Variants in SYNCRIP observed in about 807,000 individuals in gnomAD.
SYNCRIP encodes the protein heterogeneous nuclear ribonucleoprotein Q.
SYNCRIP carries 9 observed loss-of-function variants against 68.9 expected under a neutral mutation model. The ratio of observed to expected loss-of-function variants is 0.13; its 90% CI spans 0.08 to 0.23. The LOEUF (loss-of-function observed/expected upper bound fraction) is 0.23, where lower values mean the gene tolerates loss of function less well. Among genes scored for constraint, SYNCRIP ranks in the 10% least tolerant of loss-of-function variants. The pLI, the probability that SYNCRIP is intolerant of heterozygous loss-of-function variation, is 1.00. For synonymous variants in SYNCRIP, 258 were observed against 254.0 expected, an observed-to-expected ratio of 1.02 and a Z score of -0.15; for missense variants, 414 against 770.6, an observed-to-expected ratio of 0.54 and a Z score of 5.48.
intron 6 of SYNCRIP, among the ~76,000 whole-genome samples, chr6:85,635,036 G>A (rs1027644406): frequency 2.0e-5 from 3 of 152,070 alleles, no homozygotes; most frequent in African/African-American, 4.8e-5. Context: ...GTGGTGGTAC[G>A]CGCCTATTAT....
intron 1 of SYNCRIP, among the ~76,000 whole-genome samples, chr6:85,641,848 C>T (rs924564461): frequency 6.6e-6 from 1 of 152,190 alleles, no homozygotes; most frequent in Non-Finnish European, 1.5e-5. Context: ...CTTTTCCCGC[C>T]TGCCGCTTAT....
At chr6:85,639,228 A>G (rs1243538920) in intron 4 of SYNCRIP, among the ~76,000 whole-genome samples, 1 of 152,140 alleles carries the variant, frequency 6.6e-6, no homozygotes, top group Non-Finnish European at 1.5e-5. Context: ...ACAAACAAAC[A>G]AACAAAAAAT....
chr6:85,625,456 C>T (rs1326139101), intron 6 of SYNCRIP, among the ~76,000 whole-genome samples: 2 of 151,410 alleles, frequency 1.3e-5, no homozygotes, highest in Non-Finnish European at 2.9e-5. Flanking sequence ...GGCACTATCT[C>T]GGCTCACTGC....
rs1453414552 is a variant in SYNCRIP, at chr6:85,628,456, TG to T, written c.667-4345del. On this transcript the variant is annotated intron_variant, in intron 6 of 10. Transcript: ENST00000369622. ...CCCAAATGACAGCATTTCATATACC[TG>T]GCACACAAGCACATGACTCAGTTGT... is the stretch of plus-strand genomic sequence containing the variant. 6.6e-5 allele frequency among the ~76,000 whole-genome samples: 10 copies of T among 152,350 alleles called. No individual in the cohort carries two copies. In the South Asian group the frequency reaches 1.9e-3, roughly 28 times the overall value.
At chr6:85,628,345 C>T (rs909030794) in intron 6 of SYNCRIP, among the ~76,000 whole-genome samples, 1 of 152,222 alleles carries the variant, frequency 6.6e-6, no homozygotes, top group African/African-American at 2.4e-5. Flanking sequence ...CATGATCCAC[C>T]GCACCTGGCC....
chr6:85,627,551 C>A (rs1807199420), intron 6 of SYNCRIP, among the ~76,000 whole-genome samples: 1 of 151,920 alleles, frequency 6.6e-6, no homozygotes, highest in Admixed American at 6.6e-5. Context: ...CTTATCCCAG[C>A]AAGATGGGTA....
chr6:85,610,975 C>T (rs1386810728), downstream of SYNCRIP: 4 of 152,030 alleles, frequency 2.6e-5, no homozygotes, highest in African/African-American at 9.7e-5. Context: ...ACCCCATACT[C>T]ATTTTGTAGA....
intron 4 of SYNCRIP, among the ~76,000 whole-genome samples, 178 bp from the exon 5 acceptor site, chr6:85,637,534 A>C (rs753303970): frequency 5.3e-5 from 8 of 152,194 alleles, no homozygotes; most frequent in Non-Finnish European, 1.0e-4. Context: ...TTATACTCCT[A>C]AATTATTATC....
chr6:85,625,398 T>G (rs1464064775), intron 6 of SYNCRIP, among the ~76,000 whole-genome samples: 1 of 151,984 alleles, frequency 6.6e-6, no homozygotes, highest in African/African-American at 2.4e-5. Flanking sequence ...TTTTTTGTCT[T>G]TTCTGAGACA....
At chr6:85,642,143 G>A (rs1364364667) in intron 1 of SYNCRIP, among the ~76,000 whole-genome samples, 1 of 152,182 alleles carries the variant, frequency 6.6e-6, no homozygotes, top group Non-Finnish European at 1.5e-5. Context: ...CCCCCAGAAA[G>A]CTGCAGCAGC....
chr6:85,641,507 AAT>A, intron 1 of SYNCRIP, 56 bp from the exon 2 acceptor site: 2 of 1,523,912 alleles, frequency 1.3e-6, no homozygotes, highest in Non-Finnish European at 1.8e-6. Flanking sequence ...AATACAAGAC[AAT>A]ATGAGAGCCC....
intron 1 of SYNCRIP, among the ~76,000 whole-genome samples, 167 bp downstream of exon 1, chr6:85,642,630 G>C (rs1318457648): frequency 6.6e-6 from 1 of 152,230 alleles, no homozygotes; most frequent in Non-Finnish European, 1.5e-5. Context: ...GGAGGAAGTG[G>C]CGGCGCGGGC....
intron 2 of SYNCRIP, among the ~76,000 whole-genome samples, chr6:85,641,083 C>T (rs1809085187): frequency 6.6e-6 from 1 of 152,210 alleles, no homozygotes; most frequent in South Asian, 2.1e-4. Context: ...GGCCAGCATG[C>T]AAGCCAGCCT....
At chr6:85,632,394 TG>T (rs370019550) in intron 6 of SYNCRIP, among the ~76,000 whole-genome samples, 74 of 152,280 alleles carry the variant, frequency 4.9e-4, no homozygotes, top group African/African-American at 1.6e-3. Flanking sequence ...TGGATAGAAC[TG>T]TAACAAGTAG....
chr6:85,631,339 C>CAAAAAAAAAAAAAAAAAA (rs71003000), intron 6 of SYNCRIP, among the ~76,000 whole-genome samples: 30 of 91,796 alleles, frequency 3.3e-4, no homozygotes, highest in East Asian at 1.3e-3. Context: ...ACTGTGTCTC[C>CAAAAAAAAAAAAAAAAAA]AAAAAAAAAA....
At chr6:85,610,577 CTTACT>C (rs1188206637), downstream of SYNCRIP, 2 of 151,978 alleles carry the variant, frequency 1.3e-5, no homozygotes, top group Non-Finnish European at 2.9e-5. Context: ...CAATGCAGTT[CTTACT>C]TTAAGTAAAC....
intron 2 of SYNCRIP, 39 bp from the exon 3 acceptor site, chr6:85,640,603 G>T: frequency 7.4e-7 from 1 of 1,344,964 alleles, no homozygotes. Context: ...AATATTTTTA[G>T]AAAAGATTTT....
intron 6 of SYNCRIP, among the ~76,000 whole-genome samples, chr6:85,629,334 G>A (rs1456460087): frequency 6.6e-6 from 1 of 151,872 alleles, no homozygotes; most frequent in East Asian, 1.9e-4. Flanking sequence ...AACTCTCTAA[G>A]AACCTGTATA....
At chr6:85,622,457 A>G (rs1312346024) in intron 8 of SYNCRIP, 25 bp downstream of exon 8, 5 of 1,610,300 alleles carry the variant, frequency 3.1e-6, no homozygotes, top group South Asian at 1.1e-5. Flanking sequence ...CCCTCAAAAA[A>G]TATTTTTAAC....
Sources: allele counts gnomAD v4.1 joint callset (sites outside exome capture counted in the v4.1 genomes callset), GRCh38; gene constraint gnomAD v4.1.1; transcripts MANE v1.5; gene names NCBI Gene and HGNC (gene_info 2026-07-23, HGNC 2026-07-21).